Variants in NCOA4 observed in about 807,000 individuals in gnomAD.
The protein encoded by NCOA4 is 70 kDa AR-activator.
A neutral mutation model predicts 69.5 loss-of-function variants in NCOA4; 31 were observed. That is an observed-to-expected ratio of 0.45 (90% CI 0.34 to 0.60). The LOEUF is 0.60. Ranked by LOEUF, NCOA4 falls within the 20% of genes least tolerant of loss-of-function variation. The pLI, the probability that NCOA4 is intolerant of heterozygous loss-of-function variation, is 0.02. For missense variants in NCOA4, 600 were observed against 719.2 expected, an observed-to-expected ratio of 0.83 and a Z score of 1.90; for synonymous variants, 228 against 252.4, an observed-to-expected ratio of 0.90 and a Z score of 0.92.
intron 5 of NCOA4, 27 bp downstream of exon 5, chr10:46,014,417 C>G: frequency 6.7e-7 from 1 of 1,485,124 alleles, no homozygotes; most frequent in Non-Finnish European, 9.4e-7. Context: ...ATGAGAAGTG[C>G]CCAGTGAAGC....
At chr10:46,026,503 A>G (rs1419136055) in intron 1 of NCOA4, among the ~76,000 whole-genome samples, 1 of 152,196 alleles carries the variant, frequency 6.6e-6, no homozygotes, top group Non-Finnish European at 1.5e-5. Flanking sequence ...TCTTGCCATA[A>G]TAGAGTCAAG....
At position 46,010,512 on chromosome 10, in the gene NCOA4, T is replaced by C. The variant is rs148411522; in HGVS notation, c.1409A>G (p.Gln470Arg). Residue 470 changes from glutamine (Q) to arginine (R), a missense_variant, in exon 8 of 10, where the codon CAA becomes CGA. Gln to Arg is a conservative substitution (Grantham distance 43). Transcript: ENST00000581486. ...WLCPRKEVIEQTKAPKAMTPS... is the reference protein window; with the variant it reads ...WLCPRKEVIERTKAPKAMTPS... ...AGTCATTGCCTTTGGTGCTTTAGTT[T>C]GTTCTATTACTTCTTTTCTAGGACA... 3.8e-4 allele frequency: 618 copies of C among 1,614,196 alleles called. 5 individuals carry two copies. The African/African-American group carries it at 7.4e-3, about 19-fold the overall frequency.
intron 4 of NCOA4, 132 bp downstream of exon 4, chr10:46,014,722 T>G (rs1839434694): frequency 1.3e-6 from 1 of 796,642 alleles, no homozygotes; most frequent in East Asian, 2.6e-5. Flanking sequence ...ATTAAATACA[T>G]GAAGCAGAAT....
In NCOA4 at chr10:46,010,485, G is replaced by A. The variant is rs781988032; in HGVS notation, c.1436C>T (p.Pro479Leu). 5.6e-6 allele frequency: 9 copies of A among 1,614,202 alleles called. No individual in the cohort carries two copies. In the East Asian group the frequency reaches 2.0e-4, roughly 36 times the overall value. ...TTGGAAGGAATCAGCAATTCTAGAA[G>A]GAGTCATTGCCTTTGGTGCTTTAGT... ...EQTKAPKAMT[P>L]SRIADSFQVI... The change falls in exon 8 of 10, where the codon CCT (proline) becomes CTT (leucine). Residue 479 changes from proline to leucine, a missense_variant. Transcript: ENST00000581486.
intron 6 of NCOA4, 66 bp from the exon 7 acceptor site, chr10:46,013,092 C>G: frequency 4.0e-6 from 6 of 1,505,428 alleles, no homozygotes; most frequent in Non-Finnish European, 4.6e-6. Flanking sequence ...AGAAGAGCCA[C>G]TCTCTAATCT....
chr10:46,024,527 C>T (rs113289530), intron 1 of NCOA4, among the ~76,000 whole-genome samples: 5,015 of 152,282 alleles, frequency 0.033, 102 homozygotes, highest in Non-Finnish European at 0.05. Flanking sequence ...CAGTTATATT[C>T]ATTTGTGTTT....
At chr10:46,015,398 A>G in intron 2 of NCOA4, 132 bp from the exon 3 acceptor site, 1 of 721,664 alleles carries the variant, frequency 1.4e-6, no homozygotes, top group Non-Finnish European at 2.3e-6. Context: ...TAATTATCCA[A>G]TGACATCTAT....
In NCOA4 at chr10:46,010,503, G is replaced by A. The variant is rs1554920997; in HGVS notation, c.1418C>T (p.Ala473Val). 6.2e-7 allele frequency: 1 copy of A among 1,614,168 alleles called. No individual in the cohort carries two copies. The highest frequency in any genetic ancestry group is 8.5e-7 in the Non-Finnish European group (1 of 1,180,030). ...TCTAGAAGGAGTCATTGCCTTTGGT[G>A]CTTTAGTTTGTTCTATTACTTCTTT... The part of the protein sequence containing the change: ...PRKEVIEQTK[A>V]PKAMTPSRIA... Residue 473 changes from alanine to valine, a missense_variant, in exon 8 of 10, where the codon GCA (alanine) becomes GTA (valine). Transcript: ENST00000581486.
chr10:46,016,685 C>T lies in NCOA4; in HGVS notation c.-5G>A. The T allele has an allele frequency of 1.4e-6, 2 of 1,433,408 alleles. No individual in the cohort carries two copies. Among genetic ancestry groups the T allele is most frequent in the Non-Finnish European group, 1.9e-6 (2 of 1,080,186 alleles). 88.8% of individuals were successfully genotyped at this position (1,433,408 alleles called of 1,614,324 possible). A position where few individuals can be genotyped will look rare whatever the true frequency, so the allele number is the denominator to read the frequency against. ...CTGGTCTTGGAAGGTATTCATTCTCCTCACTGCTCCTTTAAAAGAAAAAAA... is the reference window on the plus strand; with the variant it reads ...CTGGTCTTGGAAGGTATTCATTCTCTTCACTGCTCCTTTAAAAGAAAAAAA... On this transcript the variant is annotated 5_prime_UTR_variant, in exon 2 of 10. Coordinates refer to ENST00000581486, the MANE Select transcript of NCOA4 (RefSeq NM_001145263.2).
At chr10:46,024,628 C>T (rs1255971453) in intron 1 of NCOA4, among the ~76,000 whole-genome samples, 1 of 152,158 alleles carries the variant, frequency 6.6e-6, no homozygotes, top group Non-Finnish European at 1.5e-5. Flanking sequence ...AAGAAAATCA[C>T]AAAAATCTAA....
At chr10:46,029,351 T>G (rs1840333552) in intron 1 of NCOA4, among the ~76,000 whole-genome samples, 1 of 152,224 alleles carries the variant, frequency 6.6e-6, no homozygotes, top group Non-Finnish European at 1.5e-5. Flanking sequence ...TGAACAAATC[T>G]GCAAGCTAGC....
Position 46,005,485 on chromosome 10 carries a change from T to TA in NCOA4, c.*1106dup. Reference sequence around the variant, plus strand: ...AGTCTGGAAAGCAGCAAAGATATCTTAGAGAAAACATTATAAACCCCACTT... The same window carrying TA: ...AGTCTGGAAAGCAGCAAAGATATCTTAAGAGAAAACATTATAAACCCCACTT... On this transcript the variant is annotated 3_prime_UTR_variant, in exon 10 of 10. Coordinates refer to ENST00000581486, the MANE Select transcript of NCOA4 (RefSeq NM_001145263.2). 1 of 220,222 alleles carries TA rather than the reference T, an allele frequency of 4.5e-6. No individual in the cohort carries two copies. The highest frequency in any genetic ancestry group is 5.8e-5 in the Admixed American group (1 of 17,304). The allele number at this position is 220,222 out of a possible 1,614,324, so 13.6% of individuals were successfully genotyped here. A position where few individuals can be genotyped will look rare whatever the true frequency, so the allele number is the denominator to read the frequency against.
In NCOA4 at chr10:46,009,528, T is replaced by C; in HGVS notation, c.1722A>G (p.Leu574=). The change falls in exon 9 of 10, where the codon CTA becomes CTG. Residue 574 remains leucine, a synonymous_variant. Transcript: ENST00000581486. ...CTGGGGGGAAGTTATGTTCCTCCTGTAGAGGTGAATTAAGTAATACTTCCT... is the reference window on the plus strand; with the variant it reads ...CTGGGGGGAAGTTATGTTCCTCCTGCAGAGGTGAATTAAGTAATACTTCCT... The part of the protein sequence containing the change: ...KAQEVLLNSP[L]QEEHNFPPDH... 2 of 1,609,038 alleles carry C rather than the reference T, an allele frequency of 1.2e-6. No homozygotes were observed. Among genetic ancestry groups the C allele is most frequent in the Non-Finnish European group, 1.7e-6 (2 of 1,178,736 alleles).
chr10:46,021,976 A>G (rs900220062), intron 1 of NCOA4, among the ~76,000 whole-genome samples: 5 of 152,096 alleles, frequency 3.3e-5, no homozygotes, highest in African/African-American at 1.2e-4. Flanking sequence ...AAATAAATAA[A>G]TAAATAAACA....
rs1277658592 is a variant in NCOA4, at chr10:46,005,902, A to AAT, written c.*688_*689dup. The AAT allele has an allele frequency of 1.9e-5, 4 of 208,428 alleles. No individual in the cohort carries two copies. The East Asian group carries it at 2.9e-4, about 15-fold the overall frequency. 12.9% of individuals were successfully genotyped at this position (208,428 alleles called of 1,614,324 possible). On this transcript the variant is annotated 3_prime_UTR_variant, in exon 10 of 10. Transcript: ENST00000581486. ...ATTACCTCAAAAATAGTCTTGAAAT[A>AAT]ATACTGAGTCCTTCTAAAGAGCTCA... is the stretch of plus-strand genomic sequence containing the variant.
At chr10:46,013,744 G>T in intron 5 of NCOA4, 105 bp from the exon 6 acceptor site, 1 of 719,100 alleles carries the variant, frequency 1.4e-6, no homozygotes, top group Non-Finnish European at 2.3e-6. Context: ...CATTTCATTA[G>T]AAATACTGTT....
At chr10:46,013,469 AT>A (rs1397305891) in intron 6 of NCOA4, 80 bp downstream of exon 6, 9 of 1,030,984 alleles carry the variant, frequency 8.7e-6, no homozygotes, top group African/African-American at 1.6e-5. Flanking sequence ...AAATAGTAGC[AT>A]TTTTTTAATG....
intron 9 of NCOA4, among the ~76,000 whole-genome samples, chr10:46,008,626 T>C (rs1473336347): frequency 2.6e-5 from 4 of 152,252 alleles, no homozygotes; most frequent in South Asian, 2.1e-4. Flanking sequence ...CTGTGTATTG[T>C]TGAAGTGACA....
rs1232652600 is a variant in NCOA4 at position 46,009,450 on chromosome 10, T to C, written c.1800A>G (p.Lys600=). Residue 600 remains lysine (K), a synonymous_variant, in exon 9 of 10, where the codon AAA becomes AAG. Coordinates refer to ENST00000581486, the MANE Select transcript of NCOA4 (RefSeq NM_001145263.2). ...VCDLFACMQL[K]VDKEKWLYRT... is the part of the protein sequence containing the mutation. ...GATATAACCACTTCTCTTTATCAAC[T>C]TTAAGCTGCATACAGGCAAAGAGAT... 6.2e-7 allele frequency: 1 copy of C among 1,613,152 alleles called. No homozygotes were observed. The highest frequency in any genetic ancestry group is 1.1e-5 in the South Asian group (1 of 91,020).
Sources: allele counts gnomAD v4.1 joint callset (sites outside exome capture counted in the v4.1 genomes callset), GRCh38; gene constraint gnomAD v4.1.1; transcripts MANE v1.5; gene names NCBI Gene and HGNC (gene_info 2026-07-23, HGNC 2026-07-21).